DEFB108B: variants seen among roughly 807,000 people sequenced by gnomAD.
DEFB108B encodes beta-defensin 108B.
In DEFB108B, 3 loss-of-function variants were observed where a neutral mutation model predicts 2.4. The ratio of observed to expected loss-of-function variants is 1.25; its 90% CI spans 0.57 to 3.24. The LOEUF is 3.24. Among genes scored for constraint, DEFB108B ranks in the 30% most tolerant of loss-of-function variants. DEFB108B has a pLI of 0.03. For synonymous variants in DEFB108B, 25 were observed against 28.7 expected, an observed-to-expected ratio of 0.87 and a Z score of 0.41; for missense variants, 101 against 87.8, an observed-to-expected ratio of 1.15 and a Z score of -0.60.
intron 1 of DEFB108B, among the ~76,000 whole-genome samples, chr11:71,836,701 T>C (rs4122050): frequency 1.3e-5 from 2 of 152,320 alleles, no homozygotes; most frequent in South Asian, 2.1e-4. Flanking sequence ...ATATATGCAA[T>C]GGTTTCTAGA....
intron 1 of DEFB108B, among the ~76,000 whole-genome samples, chr11:71,834,073 G>GA (rs1165174669): frequency 1.3e-5 from 2 of 152,076 alleles, no homozygotes; most frequent in East Asian, 1.9e-4. Context: ...GTTTTATAGA[G>GA]AAAAAAATTA....
intron 1 of DEFB108B, among the ~76,000 whole-genome samples, chr11:71,833,568 C>T (rs1271082809): frequency 1.3e-5 from 2 of 152,226 alleles, no homozygotes; most frequent in Non-Finnish European, 2.9e-5. Flanking sequence ...GTCTCCAAAG[C>T]TCCTCTAGTT....
chr11:71,834,380 G>C (rs1952201451), intron 1 of DEFB108B, among the ~76,000 whole-genome samples: 1 of 152,042 alleles, frequency 6.6e-6, no homozygotes, highest in African/African-American at 2.4e-5. Context: ...TTTTTAACCA[G>C]TTAAAAATAT....
At chr11:71,836,361 G>T (rs1310895350) in intron 1 of DEFB108B, among the ~76,000 whole-genome samples, 3 of 152,108 alleles carry the variant, frequency 2.0e-5, no homozygotes, top group Non-Finnish European at 4.4e-5. Context: ...TTGGATTTCA[G>T]TTCAGTTAAA....
intron 1 of DEFB108B, among the ~76,000 whole-genome samples, chr11:71,835,045 G>A (rs1175717028): frequency 2.0e-5 from 3 of 152,098 alleles, no homozygotes; most frequent in Non-Finnish European, 4.4e-5. Context: ...ATGAACAATG[G>A]TACATCATAA....
At chr11:71,835,248 C>T (rs183334587) in intron 1 of DEFB108B, among the ~76,000 whole-genome samples, 2 of 152,294 alleles carry the variant, frequency 1.3e-5, no homozygotes, top group East Asian at 3.9e-4. Context: ...TCTCCCTCCC[C>T]TCCTGGTAAG....
At chr11:71,834,001 C>A (rs1322228922) in intron 1 of DEFB108B, among the ~76,000 whole-genome samples, 2 of 152,182 alleles carry the variant, frequency 1.3e-5, no homozygotes, top group African/African-American at 4.8e-5. Flanking sequence ...CAAAAATTTT[C>A]TGGAACTCCT....
Position 71,837,642 on chromosome 11 carries a change from T to G in DEFB108B, c.*80T>G. ...GTCTCCCTGTCTCCCTTTCCCTCTCTCCATTTTTCTCACAGGGATTTTTAT... is the reference window on the plus strand; with the variant it reads ...GTCTCCCTGTCTCCCTTTCCCTCTCGCCATTTTTCTCACAGGGATTTTTAT... On this transcript the variant is annotated 3_prime_UTR_variant, in exon 2 of 2. Coordinates refer to ENST00000328698, the MANE Select transcript of DEFB108B (RefSeq NM_001002035.2). 6.7e-7 allele frequency: 1 copy of G among 1,502,260 alleles called. No homozygotes were observed. Among genetic ancestry groups the G allele is most frequent in the East Asian group, 2.3e-5 (1 of 44,020 alleles). The allele number at this position is 1,502,260 out of a possible 1,614,324, so 93.1% of individuals were successfully genotyped here.
chr11:71,837,428 C>T lies in DEFB108B; in HGVS notation c.88C>T (p.Arg30Cys), dbSNP rs151229532. Residue 30 changes from arginine (R) to cysteine (C), a missense_variant, in exon 2 of 2, where the codon CGT becomes TGT. By Grantham distance (180) the Arg-to-Cys change is radical. Coordinates refer to ENST00000328698, the MANE Select transcript of DEFB108B (RefSeq NM_001002035.2). ...GGGCAAATTCAAGGAGATCTGTGAA[C>T]GTCCAAATGGCTCCTGTCGGGACTT... The part of the protein sequence containing the change: ...ARGKFKEICE[R>C]PNGSCRDFCL... The T allele has an allele frequency of 6.3e-5, 102 of 1,611,820 alleles. 1 individual carries two copies. The highest frequency in any genetic ancestry group is 3.0e-4 in the South Asian group (27 of 90,996).
At position 71,837,671 on chromosome 11, in the gene DEFB108B, A is replaced by C. The variant is rs1952232454; in HGVS notation, c.*109A>C. ...TTTTTCTCACAGGGATTTTTATTGAATCCTCAAAAAAGAATAAACCAAAAC... is the reference window on the plus strand; with the variant it reads ...TTTTTCTCACAGGGATTTTTATTGACTCCTCAAAAAAGAATAAACCAAAAC... On this transcript the variant is annotated 3_prime_UTR_variant, in exon 2 of 2. Transcript: ENST00000328698. 1.4e-6 allele frequency: 2 copies of C among 1,399,154 alleles called. No individual in the cohort carries two copies. Among genetic ancestry groups the C allele is most frequent in the Admixed American group, 2.5e-5 (1 of 40,256 alleles). The allele number at this position is 1,399,154 out of a possible 1,614,324, so 86.7% of individuals were successfully genotyped here.
At chr11:71,834,246 C>G (rs918809830) in intron 1 of DEFB108B, among the ~76,000 whole-genome samples, 6 of 152,052 alleles carry the variant, frequency 3.9e-5, no homozygotes, top group South Asian at 4.1e-4. Flanking sequence ...ATACCATATC[C>G]AATTATATTA....
intron 1 of DEFB108B, among the ~76,000 whole-genome samples, chr11:71,836,699 A>C (rs1268452030): frequency 6.6e-6 from 1 of 152,208 alleles, no homozygotes; most frequent in Non-Finnish European, 1.5e-5. Flanking sequence ...TAATATATGC[A>C]ATGGTTTCTA....
rs146019261 is a variant in DEFB108B, at chr11:71,835,531, A to G, written c.59-1868A>G. ...ATTCCATACCTTTGCTACTGTGAAT[A>G]CCACTGTGATGAACATACAAATTTA... On this transcript the variant is annotated intron_variant, in intron 1 of 1. Transcript: ENST00000328698. Among the ~76,000 whole-genome samples, 983 of 152,324 alleles carry G rather than the reference A, an allele frequency of 6.5e-3. 14 individuals carry two copies. The highest frequency in any genetic ancestry group is 0.021 in the African/African-American group (892 of 41,570).
chr11:71,837,314 A>C (rs1952228341), intron 1 of DEFB108B, 85 bp from the exon 2 acceptor site: 1 of 1,507,552 alleles, frequency 6.6e-7, no homozygotes, highest in South Asian at 1.2e-5. Flanking sequence ...GATTATTTTC[A>C]AGCACTGCCC....
chr11:71,834,601 G>A (rs1168784459), intron 1 of DEFB108B: 1 of 152,206 alleles, frequency 6.6e-6, no homozygotes, highest in East Asian at 1.9e-4. Flanking sequence ...GAAAACACAG[G>A]ATGGTGCTAA....
intron 1 of DEFB108B, among the ~76,000 whole-genome samples, chr11:71,836,290 C>T (rs1478570305): frequency 6.6e-6 from 1 of 152,140 alleles, no homozygotes; most frequent in African/African-American, 2.4e-5. Context: ...TATATTTGGT[C>T]TTCACATCAA....
Position 71,837,692 on chromosome 11 carries a change from A to T in DEFB108B, c.*130A>T. 8.0e-7 allele frequency: 1 copy of T among 1,247,636 alleles called. No individual in the cohort carries two copies. Among genetic ancestry groups the T allele is most frequent in the Non-Finnish European group, 1.1e-6 (1 of 913,532 alleles). The allele number at this position is 1,247,636 out of a possible 1,614,324, so 77.3% of individuals were successfully genotyped here. On this transcript the variant is annotated 3_prime_UTR_variant, in exon 2 of 2. Coordinates refer to ENST00000328698, the MANE Select transcript of DEFB108B (RefSeq NM_001002035.2). ...TTGAATCCTCAAAAAAGAATAAACC[A>T]AAACCAACCAGCACAAAACTCTTTT...
chr11:71,834,369 T>C (rs541392460), intron 1 of DEFB108B, among the ~76,000 whole-genome samples: 1 of 152,236 alleles, frequency 6.6e-6, no homozygotes, highest in African/African-American at 2.4e-5. Flanking sequence ...TGGGTTTGAT[T>C]TTTTTAACCA....
intron 1 of DEFB108B, 199 bp from the exon 2 acceptor site, chr11:71,837,200 T>C (rs1330269038): frequency 1.0e-5 from 7 of 690,422 alleles, no homozygotes; most frequent in East Asian, 8.6e-5. Flanking sequence ...TCTCAGATTT[T>C]TCAAGAACAC....
Sources: gnomAD v4.1 joint callset for allele counts (sites outside exome capture counted in the v4.1 genomes callset) on GRCh38, gnomAD v4.1.1 for gene constraint, MANE v1.5 for transcripts, NCBI Gene and HGNC (gene_info 2026-07-23, HGNC 2026-07-21) for gene names.